TMEM126B: variants seen among roughly 807,000 people sequenced by gnomAD.
The protein encoded by TMEM126B is complex I assembly factor TMEM126B, mitochondrial.
TMEM126B carries 19 observed loss-of-function variants against 16.5 expected under a neutral mutation model. The observed-to-expected ratio is 1.15, with a 90% confidence interval of 0.80 to 1.69. The LOEUF (loss-of-function observed/expected upper bound fraction) is 1.69. TMEM126B is among the 40% of genes most tolerant of loss of function. The pLI, the probability that TMEM126B is intolerant of heterozygous loss-of-function variation, is 0.00. For missense variants in TMEM126B, 293 were observed against 278.7 expected (o/e 1.05, Z -0.37); for synonymous variants, 104 against 93.2 (o/e 1.12, Z -0.67).
chr11:85,635,821 C>CTTTTTTTTTTTTTTTTTTTTTTTTTCT (rs58671332), intron 4 of TMEM126B, 43 bp downstream of exon 4: 3 of 869,760 alleles, frequency 3.4e-6, no homozygotes, highest in Non-Finnish European at 3.2e-6. Context: ...CTTTTCTTTT[C>CTTTTTTTTTTTTTTTTTTTTTTTTTCT]TTTTTTTTTT....
At chr11:85,629,238 G>C (rs555647515) in intron 1 of TMEM126B, 1 of 1,289,318 alleles carries the variant, frequency 7.8e-7, no homozygotes, top group Admixed American at 2.3e-5. Flanking sequence ...TAAATTATGA[G>C]CGAATGTTGA....
chr11:85,628,862 G>A (rs992299296), intron 1 of TMEM126B, among the ~76,000 whole-genome samples, 174 bp downstream of exon 1: 7 of 152,214 alleles, frequency 4.6e-5, no homozygotes, highest in African/African-American at 1.7e-4. Context: ...CGGAGAGAAC[G>A]TAGATGACCT....
chr11:85,636,050 C>T lies in TMEM126B; in HGVS notation c.514C>T (p.His172Tyr). ...TTAACTCTTTTTTCTTTTTAGGTAT[C>T]ATACCGTTCCACTGCCACCAAAAGG... ...TKNGRLATKY[H>Y]TVPLPPKGRV... Residue 172 changes from histidine to tyrosine, a missense_variant, in exon 5 of 5, where the codon CAT (histidine) becomes TAT (tyrosine). His to Tyr is a moderately conservative substitution (Grantham distance 83, BLOSUM62 2). Transcript: ENST00000358867. 3.2e-6 allele frequency: 5 copies of T among 1,586,466 alleles called. No individual in the cohort carries two copies. The highest frequency in any genetic ancestry group is 4.3e-6 in the Non-Finnish European group (5 of 1,171,060).
chr11:85,631,672 A>G lies in TMEM126B; in HGVS notation c.82-15A>G. ...ATATCATTAGCTATTATGGCTCTGGAATTTTTTTTTCCAGGTTTTCAAGAT... is the reference window on the plus strand; with the variant it reads ...ATATCATTAGCTATTATGGCTCTGGGATTTTTTTTTCCAGGTTTTCAAGAT... On this transcript the variant is annotated splice_polypyrimidine_tract_variant and intron_variant, in intron 1 of 4. Transcript: ENST00000358867. The G allele has an allele frequency of 1.2e-6, 2 of 1,604,006 alleles. No homozygotes were observed. The highest frequency in any genetic ancestry group is 1.7e-6 in the Non-Finnish European group (2 of 1,177,558).
At chr11:85,630,387 T>A (rs956994873) in intron 1 of TMEM126B, among the ~76,000 whole-genome samples, 3 of 152,182 alleles carry the variant, frequency 2.0e-5, no homozygotes, top group African/African-American at 7.2e-5. Flanking sequence ...AACATTAAAA[T>A]TGAGATTAGT....
At chr11:85,635,404 T>TC (rs2082378794) in intron 3 of TMEM126B, among the ~76,000 whole-genome samples, 1 of 151,656 alleles carries the variant, frequency 6.6e-6, no homozygotes, top group East Asian at 1.9e-4. Flanking sequence ...AGAGTGAGAC[T>TC]CCGTCTCCAA....
In TMEM126B at chr11:85,635,725, T is replaced by C; in HGVS notation, c.456T>C (p.Gly152=). ...FRSSLIGIVC[G]VFYPSSLAFT... ...GCTCACTGATTGGCATAGTTTGTGG[T>C]GTTTTCTATCCCAGTTCTTTGGCTT... The change falls in exon 4 of 5, where the codon GGT becomes GGC. Residue 152 remains glycine, a synonymous_variant. Coordinates refer to ENST00000358867, the MANE Select transcript of TMEM126B (RefSeq NM_018480.7). 6.2e-7 allele frequency: 1 copy of C among 1,610,292 alleles called. No homozygotes were observed. Among genetic ancestry groups the C allele is most frequent in the Non-Finnish European group, 8.5e-7 (1 of 1,179,088 alleles).
chr11:85,634,203 T>C lies in TMEM126B; in HGVS notation c.321T>C (p.Tyr107=), dbSNP rs765534400. The part of the protein sequence containing the change: ...FKVKHDALKT[Y]ASLATLPFLS... ...TTAAACATGATGCTTTGAAGACATA[T>C]GCATCATTGGCTACACTTCCATTTT... Residue 107 remains tyrosine, a synonymous_variant, in exon 3 of 5, where the codon TAT becomes TAC. Transcript: ENST00000358867. The C allele has an allele frequency of 9.9e-6, 16 of 1,613,398 alleles. No homozygotes were observed. Among genetic ancestry groups the C allele is most frequent in the Admixed American group, 3.3e-5 (2 of 59,992 alleles).
chr11:85,635,818 T>TTTA, intron 4 of TMEM126B, 40 bp downstream of exon 4: 1 of 1,331,002 alleles, frequency 7.5e-7, no homozygotes, highest in Non-Finnish European at 1.0e-6. Flanking sequence ...TTTCTTTTCT[T>TTTA]TTCTTTTTTT....
At chr11:85,630,699 C>T (rs2153304609) in intron 1 of TMEM126B, among the ~76,000 whole-genome samples, 1 of 152,226 alleles carries the variant, frequency 6.6e-6, no homozygotes, top group South Asian at 2.1e-4. Context: ...CTTCATGGTC[C>T]CTTGACATTG....
At chr11:85,634,326 GT>G (rs1446464908) in intron 3 of TMEM126B, 47 bp downstream of exon 3, 3 of 1,382,148 alleles carry the variant, frequency 2.2e-6, no homozygotes, top group Non-Finnish European at 3.0e-6. Flanking sequence ...TCTAAGTAAA[GT>G]TACTTATTAA....
At chr11:85,633,841 G>A (rs920601545) in intron 2 of TMEM126B, among the ~76,000 whole-genome samples, 8 of 152,100 alleles carry the variant, frequency 5.3e-5, no homozygotes, top group African/African-American at 1.4e-4. Flanking sequence ...TAGAATTACT[G>A]TAAATATTCT....
At chr11:85,631,192 T>C in intron 1 of TMEM126B, 4 of 1,290,454 alleles carry the variant, frequency 3.1e-6, no homozygotes, top group Non-Finnish European at 4.0e-6. Flanking sequence ...CATGAGAAAC[T>C]GAGGATAGAG....
At chr11:85,636,010 A>G in intron 4 of TMEM126B, 36 bp from the exon 5 acceptor site, 1 of 1,527,086 alleles carries the variant, frequency 6.5e-7, no homozygotes, top group Non-Finnish European at 8.7e-7. Flanking sequence ...TAGCATTCAT[A>G]TCCAGGAGAG....
At position 85,634,161 on chromosome 11, in the gene TMEM126B, C is replaced by G; in HGVS notation, c.279C>G (p.Phe93Leu). 6.2e-7 allele frequency: 1 copy of G among 1,613,758 alleles called. No individual in the cohort carries two copies. Among genetic ancestry groups the G allele is most frequent in the Non-Finnish European group, 8.5e-7 (1 of 1,179,838 alleles). Reference protein sequence around the residue: ...GFSGIFSNFLFRRCFKVKHDA... With the variant: ...GFSGIFSNFLLRRCFKVKHDA... ...CTGGAATATTCTCAAACTTCCTGTT[C>G]AGACGCTGCTTCAAGGTTAAACATG... The change falls in exon 3 of 5, where the codon TTC becomes TTG. Residue 93 changes from phenylalanine to leucine, a missense_variant. Transcript: ENST00000358867.
Position 85,631,712 on chromosome 11 carries a change from A to G in TMEM126B, c.107A>G (p.His36Arg), listed in dbSNP as rs764121091. Reference protein sequence around the residue: ...PKVFKMAASMHGQPSPSLEDA... With the variant: ...PKVFKMAASMRGQPSPSLEDA... ...GTTTTCAAGATGGCAGCATCTATGC[A>G]TGGTCAGCCCAGTCCTTCTCTAGAA... The change falls in exon 2 of 5, where the codon CAT becomes CGT. Residue 36 changes from histidine (H) to arginine (R), a missense_variant. Transcript: ENST00000358867. The G allele has an allele frequency of 6.2e-7, 1 of 1,612,984 alleles. No individual in the cohort carries two copies. Among genetic ancestry groups the G allele is most frequent in the South Asian group, 1.1e-5 (1 of 90,838 alleles).
intron 3 of TMEM126B, chr11:85,635,049 C>T (rs775306934): frequency 3.9e-5 from 6 of 152,208 alleles, no homozygotes; most frequent in African/African-American, 7.2e-5. Flanking sequence ...GCTCCTAGCA[C>T]GTTCCTGATA....
chr11:85,628,881 G>A (rs1051589722), intron 1 of TMEM126B, among the ~76,000 whole-genome samples, 193 bp downstream of exon 1: 1 of 152,200 alleles, frequency 6.6e-6, no homozygotes, highest in Non-Finnish European at 1.5e-5. Context: ...CTAAATTCTA[G>A]TCCTCATTAT....
intron 4 of TMEM126B, 43 bp downstream of exon 4, chr11:85,635,821 C>CTTTTTTTTTTTTTTTTTT: frequency 2.3e-6 from 2 of 867,420 alleles, no homozygotes; most frequent in East Asian, 3.1e-5. Flanking sequence ...CTTTTCTTTT[C>CTTTTTTTTTTTTTTTTTT]TTTTTTTTTT....
Sources: allele counts gnomAD v4.1 joint callset (sites outside exome capture counted in the v4.1 genomes callset), GRCh38; gene constraint gnomAD v4.1.1; transcripts MANE v1.5; gene names NCBI Gene and HGNC (gene_info 2026-07-23, HGNC 2026-07-21).